RGS10: variants seen among roughly 807,000 people sequenced by gnomAD.
RGS10 encodes the protein regulator of G-protein signalling 10.
Under a neutral mutation model 23.5 loss-of-function variants are expected in RGS10, and 11 were observed. The ratio of observed to expected loss-of-function variants is 0.47; its 90% CI spans 0.29 to 0.77. The LOEUF is 0.77. RGS10 is among the 30% of genes least tolerant of loss of function. The pLI is 0.08. For missense variants in RGS10, 180 were observed against 226.3 expected, an observed-to-expected ratio of 0.80 and a Z score of 1.31; for synonymous variants, 77 against 83.2, an observed-to-expected ratio of 0.92 and a Z score of 0.41.
intron 1 of RGS10, among the ~76,000 whole-genome samples, chr10:119,531,093 A>T (rs187567196): frequency 2.6e-5 from 4 of 152,310 alleles, no homozygotes; most frequent in Admixed American, 2.6e-4. Flanking sequence ...AACAAAGTAT[A>T]AATCCAATTA....
chr10:119,527,398 T>C lies in RGS10; in HGVS notation c.76A>G (p.Ser26Gly), dbSNP rs1844287824. 1.2e-6 allele frequency: 2 copies of C among 1,614,202 alleles called. No homozygotes were observed. The highest frequency in any genetic ancestry group is 1.7e-6 in the Non-Finnish European group (2 of 1,180,006). Reference sequence around the variant, plus strand: ...CTCTTGAGGCTCTGGTGGCTGCTGCTGGAACTGCCATCGCTGTCGTGGATG... The same window carrying C: ...CTCTTGAGGCTCTGGTGGCTGCTGCCGGAACTGCCATCGCTGTCGTGGATG... Reference protein sequence around the residue: ...SDIHDSDGSSSSSHQSLKSTA... With the variant: ...SDIHDSDGSSGSSHQSLKSTA... The change falls in exon 2 of 5, where the codon AGC (serine) becomes GGC (glycine). Residue 26 changes from serine to glycine, a missense_variant. Physicochemically the swap from Ser to Gly is moderately conservative, Grantham distance 56. Transcript: ENST00000369103. The surrounding 1 kb of genome is among the most constrained non-coding windows in gnomAD (Gnocchi z 4.2).
rs1201488504 is a variant in RGS10 at position 119,515,236 on chromosome 10, C to T, written c.399+273G>A. 7.4e-6 allele frequency: 3 copies of T among 404,360 alleles called. No homozygotes were observed. In the East Asian group the frequency reaches 1.6e-4, roughly 21 times the overall value. 25.0% of individuals were successfully genotyped at this position (404,360 alleles called of 1,614,324 possible). A position where few individuals can be genotyped will look rare whatever the true frequency, so the allele number is the denominator to read the frequency against. ...AGGCTCCTCAAATAGCTCCAGCCTC[C>T]CCTCTAATCTGGACTGAGAAGGCAG... On this transcript the variant is annotated intron_variant, in intron 4 of 4. Coordinates refer to ENST00000369103, the MANE Select transcript of RGS10 (RefSeq NM_001005339.2).
intron 4 of RGS10, among the ~76,000 whole-genome samples, chr10:119,501,740 A>C (rs1339834758): frequency 6.6e-6 from 1 of 152,204 alleles, no homozygotes; most frequent in Non-Finnish European, 1.5e-5. Flanking sequence ...AAGAAATAAA[A>C]TAAAAATTAA....
intron 4 of RGS10, among the ~76,000 whole-genome samples, chr10:119,503,892 A>C (rs1174523494): frequency 6.6e-6 from 1 of 152,202 alleles, no homozygotes; most frequent in Non-Finnish European, 1.5e-5. Context: ...TTAAAGCCCT[A>C]TCTCCAAATA....
At chr10:119,515,758 A>G (rs549051451) in intron 3 of RGS10, 106 bp from the exon 4 acceptor site, 1 of 1,385,028 alleles carries the variant, frequency 7.2e-7, no homozygotes, top group South Asian at 1.4e-5. Flanking sequence ...GTGGCAAGAG[A>G]AAGGCACCCC....
chr10:119,522,750 T>C (rs1251124381), intron 3 of RGS10, among the ~76,000 whole-genome samples: 1 of 151,892 alleles, frequency 6.6e-6, no homozygotes, highest in East Asian at 1.9e-4. Flanking sequence ...GACATTCAGT[T>C]AGGCGACTTC....
chr10:119,501,361 G>A (rs962215335), intron 4 of RGS10, among the ~76,000 whole-genome samples: 4 of 152,172 alleles, frequency 2.6e-5, no homozygotes, highest in Non-Finnish European at 5.9e-5. Context: ...GTTGTCAAGT[G>A]GATGGTAAAA....
intron 1 of RGS10, among the ~76,000 whole-genome samples, chr10:119,542,096 C>T (rs1264108855): frequency 1.3e-5 from 2 of 152,176 alleles, no homozygotes; most frequent in African/African-American, 2.4e-5. Context: ...GCGATCCCAC[C>T]TTTTGGCTCC....
chr10:119,541,802 T>C (rs1844437404), intron 1 of RGS10, among the ~76,000 whole-genome samples: 1 of 152,160 alleles, frequency 6.6e-6, no homozygotes, highest in African/African-American at 2.4e-5. Flanking sequence ...CACCGGGTTG[T>C]CCTAGGGGTG....
Position 119,505,634 on chromosome 10 carries a change from C to T in RGS10, c.400-5375G>A, listed in dbSNP as rs556222415. On this transcript the variant is annotated intron_variant, in intron 4 of 4. Transcript: ENST00000369103. ...TTTGCCTTCCTGAAAGAAAAATATC[C>T]ATGCAGTGCCCCAACTTCAGACTGT... Among the ~76,000 whole-genome samples the T allele has an allele frequency of 4.6e-5, 7 of 152,216 alleles. No individual in the cohort carries two copies. In the South Asian group the frequency reaches 1.4e-3, roughly 32 times the overall value.
intron 1 of RGS10, among the ~76,000 whole-genome samples, chr10:119,541,248 T>A (rs576391733): frequency 6.6e-6 from 1 of 152,266 alleles, no homozygotes; most frequent in African/African-American, 2.4e-5. Flanking sequence ...CCATAGAGAC[T>A]GGTTAACATT....
intron 3 of RGS10, among the ~76,000 whole-genome samples, chr10:119,522,858 A>C (rs1844233938): frequency 6.6e-6 from 1 of 150,976 alleles, no homozygotes; most frequent in African/African-American, 2.4e-5. Context: ...GAATGCCTGG[A>C]GTCAGAAATG....
At chr10:119,521,619 A>G (rs1450560282) in intron 3 of RGS10, among the ~76,000 whole-genome samples, 1 of 43,860 alleles carries the variant, frequency 2.3e-5, no homozygotes, top group Non-Finnish European at 6.2e-5. Flanking sequence ...GAAAGGAAGG[A>G]AGGAAAGAAA....
intron 1 of RGS10, among the ~76,000 whole-genome samples, 166 bp downstream of exon 1, chr10:119,542,424 G>T (rs1027403105): frequency 1.3e-5 from 2 of 152,184 alleles, no homozygotes; most frequent in African/African-American, 4.8e-5. Flanking sequence ...GTCGCGGCTG[G>T]GACCGCGAAG....
chr10:119,510,355 G>T (rs1377243253), intron 4 of RGS10, among the ~76,000 whole-genome samples: 1 of 152,058 alleles, frequency 6.6e-6, no homozygotes, highest in Admixed American at 6.5e-5. Context: ...CCTGCCTCGG[G>T]GCCTTTGCGC....
At chr10:119,515,485 G>C in intron 4 of RGS10, 24 bp downstream of exon 4, 6 of 1,613,624 alleles carry the variant, frequency 3.7e-6, no homozygotes, top group Non-Finnish European at 5.1e-6. Context: ...TCAAATCAAG[G>C]TGCAGGCAGG....
At chr10:119,509,960 G>A (rs555624181) in intron 4 of RGS10, among the ~76,000 whole-genome samples, 1 of 151,946 alleles carries the variant, frequency 6.6e-6, no homozygotes, top group Non-Finnish European at 1.5e-5. Context: ...GAGGGGGAAG[G>A]GGGGAGAGGG....
In RGS10 at chr10:119,500,020, C is replaced by G; in HGVS notation, c.*93G>C. On this transcript the variant is annotated 3_prime_UTR_variant, in exon 5 of 5. Transcript: ENST00000369103. Reference sequence around the variant, plus strand: ...ATTGAAGGGTTTTGTACATTTCAGTCCTTACAAATAACAAAGCAATGATAA... The same window carrying G: ...ATTGAAGGGTTTTGTACATTTCAGTGCTTACAAATAACAAAGCAATGATAA... 1 of 1,354,780 alleles carries G rather than the reference C, an allele frequency of 7.4e-7. No homozygotes were observed. Among genetic ancestry groups the G allele is most frequent in the Non-Finnish European group, 1.0e-6 (1 of 987,332 alleles). 83.9% of individuals were successfully genotyped at this position (1,354,780 alleles called of 1,614,324 possible).
At chr10:119,510,819 C>T (rs533688106) in intron 4 of RGS10, among the ~76,000 whole-genome samples, 18 of 152,156 alleles carry the variant, frequency 1.2e-4, no homozygotes, top group South Asian at 4.2e-4. Context: ...CCTGGGTTCA[C>T]GCCATTCTCC....
Sources: gnomAD v4.1 joint callset for allele counts (sites outside exome capture counted in the v4.1 genomes callset) on GRCh38, gnomAD v4.1.1 for gene constraint, Gnocchi (gnomAD v3.1) non-coding constraint, MANE v1.5 for transcripts, NCBI Gene and HGNC (gene_info 2026-07-23, HGNC 2026-07-21) for gene names.